WDPCP: variants seen among roughly 807,000 people sequenced by gnomAD.
WDPCP encodes WD repeat-containing and planar cell polarity effector protein fritz homolog.
A neutral mutation model predicts 93.1 loss-of-function variants in WDPCP; 71 were observed. The ratio of observed to expected loss-of-function variants is 0.76; its 90% CI spans 0.63 to 0.93. The LOEUF is 0.93. Among genes scored for constraint, WDPCP ranks in the 40% least tolerant of loss-of-function variants. WDPCP has a pLI of 0.00. For missense variants in WDPCP, 844 were observed against 887.4 expected, an observed-to-expected ratio of 0.95 and a Z score of 0.62; for synonymous variants, 315 against 315.0, an observed-to-expected ratio of 1.00 and a Z score of 0.00.
chr2:63,444,091 G>C (rs562579630), intron 6 of WDPCP, among the ~76,000 whole-genome samples: 2 of 152,166 alleles, frequency 1.3e-5, no homozygotes, highest in African/African-American at 4.8e-5. Flanking sequence ...CCATGGTACT[G>C]GACATGCTCT....
At chr2:63,166,439 C>T (rs1480039834) in intron 15 of WDPCP, among the ~76,000 whole-genome samples, 2 of 151,818 alleles carry the variant, frequency 1.3e-5, no homozygotes, top group Non-Finnish European at 2.9e-5. Context: ...CAGGGTCTTG[C>T]TCTGTCACCC....
intron 12 of WDPCP, among the ~76,000 whole-genome samples, chr2:63,348,039 A>G (rs1323036094): frequency 6.6e-6 from 1 of 152,208 alleles, no homozygotes; most frequent in Non-Finnish European, 1.5e-5. Flanking sequence ...TCACCTTAAG[A>G]AACTCAGTCT....
At chr2:63,488,492 T>G (rs1290910232) in intron 2 of WDPCP, among the ~76,000 whole-genome samples, 2 of 152,138 alleles carry the variant, frequency 1.3e-5, no homozygotes, top group African/African-American at 2.4e-5. Flanking sequence ...GAATGCAGTT[T>G]ATGTCTACTG....
intron 2 of WDPCP, among the ~76,000 whole-genome samples, chr2:63,696,812 GTC>G (rs1274337992): frequency 6.6e-6 from 1 of 152,240 alleles, no homozygotes; most frequent in Non-Finnish European, 1.5e-5. Context: ...ATGCCAGAAA[GTC>G]TGAATGGTTT....
chr2:63,412,781 C>CAAAAAA (rs141811253), intron 9 of WDPCP, among the ~76,000 whole-genome samples: 1 of 146,864 alleles, frequency 6.8e-6, no homozygotes, highest in Non-Finnish European at 1.5e-5. Flanking sequence ...ATAATAGCTG[C>CAAAAAA]AAAAAAAAAA....
intron 2 of WDPCP, among the ~76,000 whole-genome samples, chr2:63,487,851 A>C (rs1700657813): frequency 6.6e-6 from 1 of 152,102 alleles, no homozygotes; most frequent in Non-Finnish European, 1.5e-5. Context: ...TGCCAGATGA[A>C]ATCAGTGGAT....
At chr2:63,833,539 G>A in the WDPCP span, among the ~76,000 whole-genome samples, 1 of 152,102 alleles carries the variant, frequency 6.6e-6, no homozygotes, top group Non-Finnish European at 1.5e-5. Context: ...CTTACATGAT[G>A]GTACATATTT....
intron 2 of WDPCP, among the ~76,000 whole-genome samples, chr2:63,488,350 TA>T (rs1297172695): frequency 2.0e-5 from 3 of 152,012 alleles, no homozygotes; most frequent in African/African-American, 7.2e-5. Context: ...AACTGAATGA[TA>T]AAACTTCAAA....
intron 17 of WDPCP, among the ~76,000 whole-genome samples, chr2:63,149,469 A>T (rs1161959719): frequency 6.6e-6 from 1 of 152,236 alleles, no homozygotes; most frequent in African/African-American, 2.4e-5. Flanking sequence ...ATTTATTAAA[A>T]TTAAAGATGT....
intron 10 of WDPCP, among the ~76,000 whole-genome samples, chr2:63,394,917 G>T (rs1693587146): frequency 1.3e-5 from 2 of 152,180 alleles, no homozygotes; most frequent in South Asian, 4.2e-4. Flanking sequence ...GGTAAGGATC[G>T]AAAAACTGCC....
At chr2:63,396,331 T>C (rs1693721284) in intron 10 of WDPCP, among the ~76,000 whole-genome samples, 1 of 152,200 alleles carries the variant, frequency 6.6e-6, no homozygotes, top group Non-Finnish European at 1.5e-5. Flanking sequence ...AATCATACTG[T>C]TTGTTTTTTA....
At chr2:63,637,132 T>C (rs1321103150) in intron 3 of WDPCP, among the ~76,000 whole-genome samples, 1 of 151,818 alleles carries the variant, frequency 6.6e-6, no homozygotes, top group Non-Finnish European at 1.5e-5. Context: ...AGAGGGTGGA[T>C]CATGAGGTCA....
At chr2:63,309,347 A>G (rs1027617166) in intron 13 of WDPCP, among the ~76,000 whole-genome samples, 2 of 152,202 alleles carry the variant, frequency 1.3e-5, no homozygotes, top group African/African-American at 2.4e-5. Flanking sequence ...ATACCGTATC[A>G]TCAAATATAT....
At chr2:63,313,346 A>T (rs1447192967) in intron 12 of WDPCP, 35 bp from the exon 13 acceptor site, 1 of 1,582,532 alleles carries the variant, frequency 6.3e-7, no homozygotes, top group East Asian at 2.3e-5. Flanking sequence ...GTTAGTTGTG[A>T]ACAAGAATAT....
intron 3 of WDPCP, among the ~76,000 whole-genome samples, chr2:63,639,269 AG>A (rs1158374515): frequency 6.6e-6 from 1 of 152,164 alleles, no homozygotes; most frequent in Admixed American, 6.5e-5. Context: ...CAGCCTTTCA[AG>A]TAGCTAAGAT....
chr2:63,688,762 T>C (rs866087207), intron 2 of WDPCP, among the ~76,000 whole-genome samples: 12 of 152,080 alleles, frequency 7.9e-5, no homozygotes, highest in African/African-American at 2.9e-4. Flanking sequence ...ATACCTACTA[T>C]GTACTCACAA....
intron 14 of WDPCP, among the ~76,000 whole-genome samples, chr2:63,240,201 C>G (rs999442879): frequency 1.3e-5 from 2 of 152,040 alleles, no homozygotes; most frequent in Non-Finnish European, 2.9e-5. Flanking sequence ...TTTTTATAGA[C>G]AGGGTCTCGC....
chr2:63,358,734 G>C (rs1690212020), intron 12 of WDPCP, among the ~76,000 whole-genome samples: 1 of 152,162 alleles, frequency 6.6e-6, no homozygotes, highest in Non-Finnish European at 1.5e-5. Flanking sequence ...GGGATTACAG[G>C]TGTGAGCCAC....
At chr2:63,286,201 G>C (rs1408529968) in intron 13 of WDPCP, among the ~76,000 whole-genome samples, 7 of 152,026 alleles carry the variant, frequency 4.6e-5, no homozygotes, top group Admixed American at 4.6e-4. Context: ...ATATATATCT[G>C]GATTGTCAGG....
Sources: gnomAD v4.1 joint callset for allele counts (sites outside exome capture counted in the v4.1 genomes callset) on GRCh38, gnomAD v4.1.1 for gene constraint, MANE v1.5 for transcripts, NCBI Gene and HGNC (gene_info 2026-07-23, HGNC 2026-07-21) for gene names.